The following CCDC178 variants were observed in gnomAD, a reference collection of about 807,000 sequenced individuals.
The protein encoded by CCDC178 is coiled-coil domain-containing protein 178.
Under a neutral mutation model 117.4 loss-of-function variants are expected in CCDC178, and 126 were observed. The ratio of observed to expected loss-of-function variants is 1.07; its 90% CI spans 0.93 to 1.24. CCDC178 has a LOEUF of 1.24. Ranked by LOEUF, CCDC178 falls within the 50% of genes most tolerant of loss-of-function variation. The pLI is 0.00. For missense variants in CCDC178, 1,030 were observed against 986.9 expected (o/e 1.04, Z -0.59); for synonymous variants, 283 against 313.4 (o/e 0.90, Z 1.02).
At chr18:33,007,326 A>G (rs2055772632) in intron 21 of CCDC178, among the ~76,000 whole-genome samples, 1 of 152,132 alleles carries the variant, frequency 6.6e-6, no homozygotes, top group African/African-American at 2.4e-5. Flanking sequence ...AACATATACT[A>G]TAAACAATAT....
intron 21 of CCDC178, among the ~76,000 whole-genome samples, chr18:32,977,580 T>C (rs1028092505): frequency 2.0e-5 from 3 of 152,098 alleles, no homozygotes; most frequent in Non-Finnish European, 2.9e-5. Flanking sequence ...AATTGGACAA[T>C]AGACTATTAA....
rs146279834 is a variant in CCDC178 at position 33,065,359 on chromosome 18, G to A, written c.2388+27402C>T. ...ATTGAAACATCAAATTATACCCCAT[G>A]TGTACAATTACAATGTGTCAGTTTT... On this transcript the variant is annotated intron_variant, in intron 21 of 22. Transcript: ENST00000383096. Among the ~76,000 whole-genome samples the A allele has an allele frequency of 9.2e-5, 14 of 152,160 alleles. No homozygotes were observed. In the East Asian group the frequency reaches 1.7e-3, roughly 19 times the overall value.
chr18:33,356,261 G>A (rs1322213867), intron 7 of CCDC178, 63 bp downstream of exon 7: 11 of 1,401,770 alleles, frequency 7.8e-6, no homozygotes, highest in Non-Finnish European at 1.1e-5. Context: ...CTGGATTATA[G>A]CAGATGATTG....
At chr18:33,076,212 T>C (rs1385874441) in intron 21 of CCDC178, among the ~76,000 whole-genome samples, 1 of 152,238 alleles carries the variant, frequency 6.6e-6, no homozygotes, top group African/African-American at 2.4e-5. Flanking sequence ...GCTGTGCTGC[T>C]GGTGGTGCTC....
intron 12 of CCDC178, among the ~76,000 whole-genome samples, chr18:33,286,836 A>C (rs1568117854): frequency 6.6e-6 from 1 of 152,202 alleles, no homozygotes; most frequent in Admixed American, 6.5e-5. Flanking sequence ...ATAAAATCAG[A>C]TATAAATGCC....
chr18:33,049,711 A>G (rs1316963204), intron 21 of CCDC178, among the ~76,000 whole-genome samples: 1 of 152,200 alleles, frequency 6.6e-6, no homozygotes. Flanking sequence ...TTGCTAATCA[A>G]CAGTAACAGA....
intron 2 of CCDC178, among the ~76,000 whole-genome samples, chr18:33,431,047 C>G (rs1296679392): frequency 6.7e-6 from 1 of 149,052 alleles, no homozygotes; most frequent in Non-Finnish European, 1.5e-5. Flanking sequence ...TGCACTCCAG[C>G]CTGGGCAACC....
chr18:33,413,365 T>G (rs1476584359), intron 2 of CCDC178, among the ~76,000 whole-genome samples: 1 of 152,122 alleles, frequency 6.6e-6, no homozygotes, highest in Non-Finnish European at 1.5e-5. Flanking sequence ...AACTAAATGT[T>G]GAGAGAACAT....
chr18:33,279,678 C>T (rs1162046580), intron 12 of CCDC178, among the ~76,000 whole-genome samples: 2 of 152,090 alleles, frequency 1.3e-5, no homozygotes, highest in Non-Finnish European at 2.9e-5. Context: ...AAGCTGGAGG[C>T]ATCATGCTAC....
chr18:33,382,699 G>A (rs920804620), intron 5 of CCDC178, among the ~76,000 whole-genome samples: 7 of 152,100 alleles, frequency 4.6e-5, no homozygotes, highest in South Asian at 2.1e-4. Flanking sequence ...AGATTCCCCC[G>A]TGAGCCTACA....
intron 20 of CCDC178, among the ~76,000 whole-genome samples, chr18:33,166,919 C>T (rs1402647081): frequency 1.3e-5 from 2 of 152,158 alleles, no homozygotes; most frequent in Non-Finnish European, 2.9e-5. Context: ...TTTCGATCCT[C>T]ACCCTCCTGC....
chr18:32,969,956 G>T (rs1035785107), intron 22 of CCDC178, among the ~76,000 whole-genome samples: 1 of 152,010 alleles, frequency 6.6e-6, no homozygotes, highest in Non-Finnish European at 1.5e-5. Context: ...ATAGTACTTC[G>T]TAAGAGCTCT....
chr18:33,285,097 T>C (rs2060082145), intron 12 of CCDC178, among the ~76,000 whole-genome samples: 1 of 152,124 alleles, frequency 6.6e-6, no homozygotes, highest in Non-Finnish European at 1.5e-5. Flanking sequence ...AATCGTTTCT[T>C]TTTAAATAAA....
rs571681916 is a variant in CCDC178 at position 33,227,419 on chromosome 18, T to C, written c.1594-564A>G. Among the ~76,000 whole-genome samples, 4 of 151,658 alleles carry C rather than the reference T, an allele frequency of 2.6e-5. No homozygotes were observed. The South Asian group carries it at 8.4e-4, about 32-fold the overall frequency. The stretch of plus-strand genomic sequence containing the variant: ...TTTAAATTATCACGCAAAACCAGAA[T>C]TGGAAGTAGTTCATAAAGTTCCTTC... On this transcript the variant is annotated intron_variant, in intron 15 of 22. Transcript: ENST00000383096.
intron 14 of CCDC178, among the ~76,000 whole-genome samples, chr18:33,251,526 T>C (rs2144713575): frequency 6.6e-6 from 1 of 151,884 alleles, no homozygotes; most frequent in Admixed American, 6.6e-5. Flanking sequence ...CTAATGAAGC[T>C]TAAACATGAG....
At chr18:32,947,138 A>G (rs2054375052) in intron 22 of CCDC178, among the ~76,000 whole-genome samples, 1 of 152,156 alleles carries the variant, frequency 6.6e-6, no homozygotes. Flanking sequence ...GGGACTTACA[A>G]AGAAGATCTT....
intron 15 of CCDC178, among the ~76,000 whole-genome samples, chr18:33,228,545 G>A (rs748243335): frequency 2.3e-4 from 35 of 152,188 alleles, no homozygotes; most frequent in Admixed American, 5.2e-4. Flanking sequence ...TACTACATTT[G>A]AAATCTGTGT....
chr18:33,130,929 A>G (rs952939786), intron 20 of CCDC178, among the ~76,000 whole-genome samples: 7 of 151,940 alleles, frequency 4.6e-5, no homozygotes, highest in Non-Finnish European at 7.4e-5. Context: ...ATTAGAGCAT[A>G]AATTTAAATA....
At chr18:33,016,217 T>C (rs1174739915) in intron 21 of CCDC178, among the ~76,000 whole-genome samples, 2 of 152,106 alleles carry the variant, frequency 1.3e-5, no homozygotes, top group Non-Finnish European at 2.9e-5. Context: ...TGAATAATGA[T>C]ATATATTAAG....
Sources: allele counts gnomAD v4.1 joint callset (sites outside exome capture counted in the v4.1 genomes callset), GRCh38; gene constraint gnomAD v4.1.1; transcripts MANE v1.5; gene names NCBI Gene and HGNC (gene_info 2026-07-23, HGNC 2026-07-21).